PPIE: variants seen among roughly 807,000 people sequenced by gnomAD.
PPIE encodes the protein peptidylprolyl isomerase E.
A neutral mutation model predicts 38.4 loss-of-function variants in PPIE; 20 were observed. That is an observed-to-expected ratio of 0.52 (90% CI 0.37 to 0.76). The LOEUF is 0.76. PPIE is among the 30% of genes least tolerant of loss of function. PPIE has a pLI of 0.00. For missense variants in PPIE, 322 were observed against 385.8 expected, an observed-to-expected ratio of 0.83 and a Z score of 1.39; for synonymous variants, 142 against 135.7, an observed-to-expected ratio of 1.05 and a Z score of -0.32.
downstream of PPIE, chr1:39,761,358 T>C (rs965484927): frequency 2.6e-5 from 4 of 152,594 alleles, no homozygotes; most frequent in African/African-American, 9.7e-5. Flanking sequence ...CCCGTCCAGC[T>C]GCCATCACCT....
chr1:39,742,620 C>G (rs1040994308), intron 4 of PPIE: 1 of 150,978 alleles, frequency 6.6e-6, no homozygotes, highest in African/African-American at 2.4e-5. Flanking sequence ...TTTCTTTCTA[C>G]CAAGTTACAT....
At chr1:39,749,208 G>A in intron 8 of PPIE, 120 bp downstream of exon 8, 1 of 1,051,702 alleles carries the variant, frequency 9.5e-7, no homozygotes, top group Non-Finnish European at 1.4e-6. Context: ...AGGAGACCCA[G>A]CCACCAGACA....
chr1:39,760,177 GGTAGAA>G, downstream of PPIE: 1 of 672,118 alleles, frequency 1.5e-6, no homozygotes, highest in African/African-American at 1.8e-5. Flanking sequence ...TTTGCATTTG[GGTAGAA>G]CACTGCCTGA....
chr1:39,747,107 G>C (rs1208173126), intron 7 of PPIE: 8 of 152,130 alleles, frequency 5.3e-5, no homozygotes, highest in Admixed American at 2.0e-4. Context: ...ATGCTTTCAA[G>C]GTTCATCCTT....
chr1:39,761,750 T>C (rs1354687519), downstream of PPIE, among the ~76,000 whole-genome samples: 1 of 152,052 alleles, frequency 6.6e-6, no homozygotes, highest in Non-Finnish European at 1.5e-5. Context: ...GCCCCCTCCT[T>C]CTGTGGAGAG....
intron 1 of PPIE, 66 bp from the exon 2 acceptor site, chr1:39,740,099 G>T (rs1221371905): frequency 2.3e-6 from 3 of 1,284,746 alleles, no homozygotes; most frequent in Admixed American, 1.7e-5. Flanking sequence ...CATGCTAACT[G>T]GGCTGCAAGG....
rs944220668 is a variant in PPIE at position 39,754,984 on chromosome 1, A to G, written c.*1629A>G. 6.1e-6 allele frequency: 6 copies of G among 983,928 alleles called. No individual in the cohort carries two copies. Among genetic ancestry groups the G allele is most frequent in the East Asian group, 1.1e-4 (1 of 8,828 alleles). 60.9% of individuals were successfully genotyped at this position (983,928 alleles called of 1,614,324 possible). On this transcript the variant is annotated 3_prime_UTR_variant, in exon 10 of 10. Coordinates refer to ENST00000324379, the MANE Select transcript of PPIE (RefSeq NM_006112.4). Reference sequence around the variant, plus strand: ...AGTCCCAAGGCCTAAAATACTTACTATCTGAGCCTTTACAAAACAGGATTG... The same window carrying G: ...AGTCCCAAGGCCTAAAATACTTACTGTCTGAGCCTTTACAAAACAGGATTG...
intron 6 of PPIE, 85 bp downstream of exon 6, chr1:39,744,009 C>A: frequency 1.2e-6 from 1 of 856,196 alleles, no homozygotes; most frequent in East Asian, 2.5e-5. Context: ...GGAAATTTGC[C>A]AATATGTATA....
At chr1:39,763,237 G>A (rs1649268930) in intron 9 of PPIE, 1 of 1,567,554 alleles carries the variant, frequency 6.4e-7, no homozygotes, top group Non-Finnish European at 8.7e-7. Flanking sequence ...TCCCATCCAT[G>A]TGCCCCTCCC....
rs189380232 is a variant in PPIE, at chr1:39,741,303, C to T, written c.131-63C>T. Reference sequence around the variant, plus strand: ...ACATGTAACTGACTTCACTTTGTGACCATCCTGTTTCTTCCCACTACCCCA... The same window carrying T: ...ACATGTAACTGACTTCACTTTGTGATCATCCTGTTTCTTCCCACTACCCCA... On this transcript the variant is annotated intron_variant, in intron 2 of 9. Transcript: ENST00000324379. The T allele has an allele frequency of 5.3e-5, 79 of 1,477,668 alleles. No individual in the cohort carries two copies. In the East Asian group the frequency reaches 1.7e-3, roughly 33 times the overall value. The allele number at this position is 1,477,668 out of a possible 1,614,324, so 91.5% of individuals were successfully genotyped here.
At chr1:39,745,914 TTTA>T (rs1647191309) in intron 7 of PPIE, 1 of 160,448 alleles carries the variant, frequency 6.2e-6, no homozygotes, top group Non-Finnish European at 1.4e-5. Flanking sequence ...TAATCTAAAT[TTTA>T]TTATCTAGAC....
chr1:39,756,403 C>A lies in PPIE; in HGVS notation c.*3048C>A, dbSNP rs72940777. The A allele has an allele frequency of 6.1e-6, 6 of 985,328 alleles. No individual in the cohort carries two copies. The highest frequency in any genetic ancestry group is 7.2e-6 in the Non-Finnish European group (6 of 829,938). The allele number at this position is 985,328 out of a possible 1,614,324, so 61.0% of individuals were successfully genotyped here. On this transcript the variant is annotated 3_prime_UTR_variant, in exon 10 of 10. Coordinates refer to ENST00000324379, the MANE Select transcript of PPIE (RefSeq NM_006112.4). ...GAGTTGAGCCCCATCTGAGTCCCCA[C>A]ATGCTGGCCCTGAAACGGTTACAAA...
At chr1:39,741,223 T>G in intron 2 of PPIE, 143 bp from the exon 3 acceptor site, 48 of 682,628 alleles carry the variant, frequency 7.0e-5, no homozygotes, top group Middle Eastern at 2.6e-4. Context: ...GAATCAAGAA[T>G]GAGATTCCTT....
In PPIE at chr1:39,753,920, G is replaced by C. The variant is rs897927426; in HGVS notation, c.*565G>C. On this transcript the variant is annotated 3_prime_UTR_variant, in exon 10 of 10. Transcript: ENST00000324379. ...AAAGACTGGAAAGCTCCGGTCTTCT[G>C]CTGCCTCTGCTCCTAAACCCAGCTG... The C allele has an allele frequency of 1.0e-6, 1 of 985,314 alleles. No homozygotes were observed. The highest frequency in any genetic ancestry group is 1.7e-5 in the African/African-American group (1 of 57,244). 61.0% of individuals were successfully genotyped at this position (985,314 alleles called of 1,614,324 possible). A position where few individuals can be genotyped will look rare whatever the true frequency, so the allele number is the denominator to read the frequency against.
At chr1:39,760,666 C>T, downstream of PPIE, 1 of 1,449,750 alleles carries the variant, frequency 6.9e-7, no homozygotes, top group Non-Finnish European at 9.2e-7. Flanking sequence ...CCTGCCCTGG[C>T]CATCTCCAGG....
downstream of PPIE, chr1:39,760,520 T>C: frequency 6.2e-7 from 1 of 1,614,104 alleles, no homozygotes; most frequent in Non-Finnish European, 8.5e-7. Context: ...CTCAGCTTGG[T>C]GGGTGCACAG....
rs1648299266 is a variant in PPIE at position 39,756,619 on chromosome 1, G to C, written c.*3264G>C. The stretch of plus-strand genomic sequence containing the variant: ...AAAATGGAGTCTTGTAGAGTTCAGT[G>C]ATGGGAAACTAAAGTAGAAAAAGCA... On this transcript the variant is annotated 3_prime_UTR_variant, in exon 10 of 10. Transcript: ENST00000324379. 1 of 985,174 alleles carries C rather than the reference G, an allele frequency of 1.0e-6. No homozygotes were observed. Among genetic ancestry groups the C allele is most frequent in the Non-Finnish European group, 1.2e-6 (1 of 829,824 alleles). 61.0% of individuals were successfully genotyped at this position (985,174 alleles called of 1,614,324 possible). A position where few individuals can be genotyped will look rare whatever the true frequency, so the allele number is the denominator to read the frequency against.
chr1:39,760,954 G>A (rs894950326), downstream of PPIE, among the ~76,000 whole-genome samples: 5 of 152,034 alleles, frequency 3.3e-5, no homozygotes, highest in Non-Finnish European at 4.4e-5. Context: ...TTCTTCTTTT[G>A]GCCCTTCGGA....
chr1:39,743,137 T>C, intron 4 of PPIE, 79 bp from the exon 5 acceptor site: 1 of 1,243,820 alleles, frequency 8.0e-7, no homozygotes, highest in South Asian at 1.2e-5. Flanking sequence ...CATGAGTGTG[T>C]CTCAGAAGTA....
Sources: gnomAD v4.1 joint callset for allele counts (sites outside exome capture counted in the v4.1 genomes callset) on GRCh38, gnomAD v4.1.1 for gene constraint, MANE v1.5 for transcripts, NCBI Gene and HGNC (gene_info 2026-07-23, HGNC 2026-07-21) for gene names.